Variants in LPAR3 observed in about 807,000 individuals in gnomAD.
LPAR3 encodes the protein LPA receptor 3.
In LPAR3, 7 loss-of-function variants were observed where a neutral mutation model predicts 17.8. That is an observed-to-expected ratio of 0.39 (90% CI 0.22 to 0.74). LPAR3 has a LOEUF of 0.74. Ranked by LOEUF, LPAR3 falls within the 30% of genes least tolerant of loss-of-function variation. The pLI is 0.40. For synonymous variants in LPAR3, 179 were observed against 179.9 expected (o/e 0.99, Z 0.04); for missense variants, 391 against 453.4 (o/e 0.86, Z 1.25).
chr1:84,883,374 A>G (rs1406523878), intron 1 of LPAR3, among the ~76,000 whole-genome samples: 1 of 152,200 alleles, frequency 6.6e-6, no homozygotes, highest in African/African-American at 2.4e-5. Context: ...CTAGTCAGAG[A>G]GTCACTAGCT....
intron 2 of LPAR3, among the ~76,000 whole-genome samples, chr1:84,848,133 T>A (rs1038826572): frequency 6.6e-5 from 10 of 152,188 alleles, no homozygotes; most frequent in Admixed American, 6.5e-4. Context: ...CCAACAAGCC[T>A]GGCCACAGCC....
chr1:84,862,164 C>T (rs1659952342), intron 2 of LPAR3, among the ~76,000 whole-genome samples: 1 of 152,208 alleles, frequency 6.6e-6, no homozygotes, highest in Non-Finnish European at 1.5e-5. Flanking sequence ...GACAGCAGCA[C>T]AGTTCATTGA....
intron 1 of LPAR3, among the ~76,000 whole-genome samples, chr1:84,876,868 T>TTCCCAAG (rs1660270262): frequency 6.6e-6 from 1 of 152,250 alleles, no homozygotes; most frequent in Non-Finnish European, 1.5e-5. Flanking sequence ...CCCAAGGGCA[T>TTCCCAAG]GGACCAGTAG....
intron 1 of LPAR3, among the ~76,000 whole-genome samples, chr1:84,873,040 A>G (rs1253540496): frequency 6.6e-6 from 1 of 152,108 alleles, no homozygotes; most frequent in Non-Finnish European, 1.5e-5. Context: ...TCTGACCAGT[A>G]CTCCTCAAAA....
At chr1:84,851,478 A>G (rs1032930300) in intron 2 of LPAR3, among the ~76,000 whole-genome samples, 9 of 152,234 alleles carry the variant, frequency 5.9e-5, no homozygotes, top group Non-Finnish European at 1.3e-4. Context: ...GTCCCTGAGA[A>G]GCTCACAGTC....
At chr1:84,891,517 G>A (rs1300166760) in intron 1 of LPAR3, among the ~76,000 whole-genome samples, 1 of 152,116 alleles carries the variant, frequency 6.6e-6, no homozygotes, top group African/African-American at 2.4e-5. Context: ...GCCAAGGTGT[G>A]TGTTTCTAAC....
chr1:84,851,003 G>A (rs536636571), intron 2 of LPAR3, among the ~76,000 whole-genome samples: 1 of 152,342 alleles, frequency 6.6e-6, no homozygotes, highest in East Asian at 1.9e-4. Flanking sequence ...AGGAGGGTAT[G>A]CCCTGGGGCA....
chr1:84,865,075 T>C lies in LPAR3; in HGVS notation c.736+310A>G, dbSNP rs140576888. Among the ~76,000 whole-genome samples, 305 of 152,192 alleles carry C rather than the reference T, an allele frequency of 2.0e-3. 1 individual carries two copies. The highest frequency in any genetic ancestry group is 7.1e-3 in the African/African-American group (296 of 41,532). ...TCCAGGCATCCCTCACAACACTTTT[T>C]TAAAGTGCAAACGATACCTGCTTAG... is the stretch of plus-strand genomic sequence containing the variant. On this transcript the variant is annotated intron_variant, in intron 2 of 2. Transcript: ENST00000370611.
At position 84,812,423 on chromosome 1, in the gene LPAR3, C is replaced by CTTTTTTTTTTTTTTTT. The variant is rs10579519; in HGVS notation, c.*1407_*1422dup. On this transcript the variant is annotated 3_prime_UTR_variant, in exon 3 of 3. Transcript: ENST00000370611. ...CATGTGTTCCCTGACATTCTCTAGT[C>CTTTTTTTTTTTTTTTT]TTTTTTTTTTTTTTTTTTTTTTTTT... The CTTTTTTTTTTTTTTTT allele has an allele frequency of 1.3e-5, 1 of 75,090 alleles. No individual in the cohort carries two copies. Among genetic ancestry groups the CTTTTTTTTTTTTTTTT allele is most frequent in the African/African-American group, 5.8e-5 (1 of 17,212 alleles). 4.7% of individuals were successfully genotyped at this position (75,090 alleles called of 1,614,324 possible).
chr1:84,819,107 G>A lies in LPAR3; in HGVS notation c.737-4936C>T, dbSNP rs578153340. 2.6e-5 allele frequency among the ~76,000 whole-genome samples: 4 copies of A among 152,202 alleles called. No homozygotes were observed. The East Asian group carries it at 7.7e-4, about 29-fold the overall frequency. On this transcript the variant is annotated intron_variant, in intron 2 of 2. Coordinates refer to ENST00000370611, the MANE Select transcript of LPAR3 (RefSeq NM_012152.3). ...TGTCCTTCCTTCCCGTCAGCATAAG[G>A]ACCTTGGAACACTCCCACCTGGATT...
At chr1:84,834,549 G>C (rs1189375531) in intron 2 of LPAR3, among the ~76,000 whole-genome samples, 1 of 151,704 alleles carries the variant, frequency 6.6e-6, no homozygotes, top group African/African-American at 2.4e-5. Context: ...ATTCTAGTTA[G>C]TCCAGCCAAA....
intron 1 of LPAR3, among the ~76,000 whole-genome samples, chr1:84,877,219 AG>A (rs1444774776): frequency 6.6e-6 from 1 of 152,252 alleles, no homozygotes; most frequent in East Asian, 1.9e-4. Context: ...GCCAAGGGGA[AG>A]CTGCAGCCAG....
intron 2 of LPAR3, among the ~76,000 whole-genome samples, chr1:84,844,370 G>A (rs1476091555): frequency 1.3e-5 from 2 of 152,210 alleles, no homozygotes; most frequent in Non-Finnish European, 2.9e-5. Flanking sequence ...ATAAAAACCT[G>A]ATGTTGATGG....
intron 1 of LPAR3, among the ~76,000 whole-genome samples, chr1:84,879,549 G>A (rs1660325036): frequency 6.6e-6 from 1 of 152,048 alleles, no homozygotes; most frequent in South Asian, 2.1e-4. Flanking sequence ...CTGGCCTCGT[G>A]ATCCACCCAC....
chr1:84,857,492 A>C (rs1659851238), intron 2 of LPAR3, among the ~76,000 whole-genome samples: 1 of 152,200 alleles, frequency 6.6e-6, no homozygotes, highest in Non-Finnish European at 1.5e-5. Context: ...CAAAGCCCCT[A>C]TTCTTACCAA....
intron 2 of LPAR3, among the ~76,000 whole-genome samples, chr1:84,849,559 C>T (rs995386362): frequency 6.6e-6 from 1 of 152,004 alleles, no homozygotes; most frequent in African/African-American, 2.4e-5. Context: ...GGAACACTGT[C>T]TCCCTGACTC....
chr1:84,889,977 C>G (rs1455908557), intron 1 of LPAR3, among the ~76,000 whole-genome samples: 2 of 152,312 alleles, frequency 1.3e-5, no homozygotes, highest in South Asian at 4.1e-4. Context: ...GTCACAAGAA[C>G]TCACAAAAGT....
At chr1:84,885,216 A>G (rs1380857585) in intron 1 of LPAR3, among the ~76,000 whole-genome samples, 2 of 152,210 alleles carry the variant, frequency 1.3e-5, no homozygotes, top group African/African-American at 2.4e-5. Context: ...ACAGAGAAGT[A>G]TCCGGTCCAA....
intron 2 of LPAR3, among the ~76,000 whole-genome samples, chr1:84,846,033 C>G (rs568759692): frequency 6.6e-6 from 1 of 152,284 alleles, no homozygotes; most frequent in East Asian, 1.9e-4. Context: ...GGTGGGTAGG[C>G]TCCAATTCCC....
Sources: gnomAD v4.1 joint callset for allele counts (sites outside exome capture counted in the v4.1 genomes callset) on GRCh38, gnomAD v4.1.1 for gene constraint, MANE v1.5 for transcripts, NCBI Gene and HGNC (gene_info 2026-07-23, HGNC 2026-07-21) for gene names.